TENM3: variants seen among roughly 807,000 people sequenced by gnomAD.
TENM3 encodes the protein teneurin transmembrane protein 3.
Under a neutral mutation model 255.1 loss-of-function variants are expected in TENM3, and 63 were observed. That is an observed-to-expected ratio of 0.25 (90% CI 0.20 to 0.30). The LOEUF (loss-of-function observed/expected upper bound fraction) is 0.30. Among genes scored for constraint, TENM3 ranks in the 10% least tolerant of loss-of-function variants. TENM3 has a pLI of 1.00. For synonymous variants in TENM3, 1,306 were observed against 1,322.3 expected (o/e 0.99, Z 0.27); for missense variants, 2,929 against 3,461.1 (o/e 0.85, Z 3.86).
intron 3 of TENM3, among the ~76,000 whole-genome samples, chr4:182,461,221 C>T (rs767612509): frequency 6.6e-6 from 1 of 152,226 alleles, no homozygotes; most frequent in East Asian, 1.9e-4. Context: ...CTGATCTTCT[C>T]TCTCCCCTGC....
chr4:181,690,918 C>G, the TENM3 span, among the ~76,000 whole-genome samples: 2 of 127,668 alleles, frequency 1.6e-5, no homozygotes, highest in Non-Finnish European at 3.8e-5. Flanking sequence ...TTTTGTGACT[C>G]TAACAAGCAA....
chr4:182,272,040 TA>T (rs1417188525), intron 1 of TENM3, among the ~76,000 whole-genome samples: 2 of 152,216 alleles, frequency 1.3e-5, no homozygotes, highest in Non-Finnish European at 2.9e-5. Context: ...AACAGAGATA[TA>T]AAAATATAGG....
Position 182,754,815 on chromosome 4 carries a change from G to C in TENM3, c.4448G>C (p.Gly1483Ala), listed in dbSNP as rs1208641440. ...TCCTCCCTGGCTGCTTCTCCAGATG[G>C]TACACTGTATATTGCAGATCTAGGG... is the stretch of plus-strand genomic sequence containing the variant. ...APSSLAASPD[G>A]TLYIADLGNI... is the part of the protein sequence containing the mutation. Residue 1483 changes from glycine to alanine, a missense_variant, in exon 22 of 28, where the codon GGT (glycine) becomes GCT (alanine). Gly to Ala is a moderately conservative substitution (Grantham distance 60). Transcript: ENST00000511685. This position sits in a 1 kb window ranked among gnomAD's most constrained non-coding sequence, Gnocchi z 5.1. The C allele has an allele frequency of 3.1e-6, 5 of 1,613,910 alleles. No individual in the cohort carries two copies. The highest frequency in any genetic ancestry group is 1.1e-5 in the South Asian group (1 of 91,084).
chr4:181,716,855 T>C, the TENM3 span, among the ~76,000 whole-genome samples: 1 of 152,168 alleles, frequency 6.6e-6, no homozygotes, highest in African/African-American at 2.4e-5. Context: ...ATAACACATA[T>C]GAATTCTCCT....
At chr4:181,482,273 C>T in the TENM3 span, among the ~76,000 whole-genome samples, 2 of 151,916 alleles carry the variant, frequency 1.3e-5, no homozygotes, top group East Asian at 1.9e-4. Context: ...ACACTTAGGC[C>T]GAAAATCAGT....
chr4:182,641,529 G>T (rs192746501), intron 5 of TENM3, among the ~76,000 whole-genome samples: 1,748 of 146,516 alleles, frequency 0.012, 23 homozygotes, highest in African/African-American at 0.04. Context: ...GTTTTTTTTT[G>T]TTGTTTTTTT....
chr4:182,775,976 AGATT>A (rs1242134145), intron 24 of TENM3, among the ~76,000 whole-genome samples: 1 of 151,968 alleles, frequency 6.6e-6, no homozygotes, highest in African/African-American at 2.4e-5. Context: ...ATAGATAGAT[AGATT>A]ATATATATAT....
the TENM3 span, among the ~76,000 whole-genome samples, chr4:181,824,308 C>T: frequency 6.6e-6 from 1 of 151,624 alleles, no homozygotes; most frequent in Non-Finnish European, 1.5e-5. Context: ...TCTATGTCAC[C>T]CAGGCTGGCC....
chr4:181,646,844 A>G, the TENM3 span, among the ~76,000 whole-genome samples: 12,863 of 152,260 alleles, frequency 0.084, 681 homozygotes, highest in South Asian at 0.15. Flanking sequence ...AGTGACAAAA[A>G]AAGATCTAAT....
chr4:181,979,374 T>A, the TENM3 span, among the ~76,000 whole-genome samples: 1 of 151,934 alleles, frequency 6.6e-6, no homozygotes, highest in East Asian at 1.9e-4. Flanking sequence ...GTTATAGCTC[T>A]ACTTTTATTG....
the TENM3 span, among the ~76,000 whole-genome samples, chr4:181,896,173 G>A: frequency 1.9e-4 from 29 of 152,260 alleles, no homozygotes; most frequent in African/African-American, 6.5e-4. Context: ...CCTGGGCTTC[G>A]GGACAGTGGG....
chr4:181,556,051 A>G, the TENM3 span, among the ~76,000 whole-genome samples: 5,056 of 152,302 alleles, frequency 0.033, 95 homozygotes, highest in Non-Finnish European at 0.045. Flanking sequence ...TGTGTTTACT[A>G]TTACCTTAGG....
At chr4:182,246,032 G>C (rs116766005) in intron 1 of TENM3, among the ~76,000 whole-genome samples, 2 of 152,104 alleles carry the variant, frequency 1.3e-5, no homozygotes, top group Admixed American at 6.6e-5. Context: ...TGCAAGTCAC[G>C]GGAAATAGCG....
chr4:182,121,186 C>T, the TENM3 span, among the ~76,000 whole-genome samples: 13 of 151,872 alleles, frequency 8.6e-5, no homozygotes, highest in African/African-American at 1.9e-4. Context: ...TTAGTGGAGA[C>T]GGGTTTTCAC....
the TENM3 span, among the ~76,000 whole-genome samples, chr4:181,495,574 AG>A: frequency 6.6e-6 from 1 of 152,004 alleles, no homozygotes; most frequent in Non-Finnish European, 1.5e-5. Flanking sequence ...AGAGAGAGAG[AG>A]AGAGAGACAT....
At chr4:182,665,600 A>G (rs1754600842) in intron 6 of TENM3, among the ~76,000 whole-genome samples, 1 of 152,162 alleles carries the variant, frequency 6.6e-6, no homozygotes, top group Admixed American at 6.6e-5. Context: ...AAAATCAATT[A>G]AAAACCTCCT....
intron 16 of TENM3, among the ~76,000 whole-genome samples, chr4:182,733,840 G>T (rs147115908): frequency 6.6e-6 from 1 of 152,112 alleles, no homozygotes; most frequent in Non-Finnish European, 1.5e-5. Context: ...TCTAAACTTC[G>T]TAGTCAGTCC....
In TENM3 at chr4:182,455,585, C is replaced by T. The variant is rs141815343; in HGVS notation, c.511+108656C>T. On this transcript the variant is annotated intron_variant, in intron 3 of 27. Transcript: ENST00000511685. ...TTTTTTTTTTTTTTTTTTTTGAGAC[C>T]GAGTCTCACTAGGCTGACCAGGCTG... Among the ~76,000 whole-genome samples the T allele has an allele frequency of 8.2e-3, 961 of 117,646 alleles. 19 individuals are homozygous for T. The highest frequency in any genetic ancestry group is 0.029 in the Admixed American group (245 of 8,450). The allele number at this position is 117,646 out of a possible 152,430, so 77.2% of individuals were successfully genotyped here. A position where few individuals can be genotyped will look rare whatever the true frequency, so the allele number is the denominator to read the frequency against.
At chr4:182,515,324 A>G (rs557295172) in intron 3 of TENM3, among the ~76,000 whole-genome samples, 2 of 152,354 alleles carry the variant, frequency 1.3e-5, no homozygotes, top group Admixed American at 6.5e-5. Flanking sequence ...TCAAGGATGC[A>G]TGTTAAAGAC....
Sources: gnomAD v4.1 joint callset for allele counts (sites outside exome capture counted in the v4.1 genomes callset) on GRCh38, gnomAD v4.1.1 for gene constraint, Gnocchi (gnomAD v3.1) non-coding constraint, MANE v1.5 for transcripts, NCBI Gene and HGNC (gene_info 2026-07-23, HGNC 2026-07-21) for gene names.